The following MEGF10 variants were observed in gnomAD, a reference collection of about 807,000 sequenced individuals.
MEGF10 encodes multiple epidermal growth factor-like domains protein 10.
Under a neutral mutation model 147.5 loss-of-function variants are expected in MEGF10, and 86 were observed. The ratio of observed to expected loss-of-function variants is 0.58; its 90% CI spans 0.49 to 0.70. MEGF10 has a LOEUF of 0.70. Among genes scored for constraint, MEGF10 ranks in the 30% least tolerant of loss-of-function variants. The pLI is 0.00. For synonymous variants in MEGF10, 478 were observed against 525.5 expected, an observed-to-expected ratio of 0.91 and a Z score of 1.24; for missense variants, 1,329 against 1,487.3, an observed-to-expected ratio of 0.89 and a Z score of 1.75.
intron 5 of MEGF10, among the ~76,000 whole-genome samples, chr5:127,376,658 T>C (rs1763041475): frequency 6.6e-6 from 1 of 152,190 alleles, no homozygotes; most frequent in African/African-American, 2.4e-5. Context: ...ATGATCATGA[T>C]GATAGTAATA....
At chr5:127,407,041 T>G (rs1251132781) in intron 8 of MEGF10, among the ~76,000 whole-genome samples, 2 of 152,080 alleles carry the variant, frequency 1.3e-5, no homozygotes, top group Non-Finnish European at 2.9e-5. Flanking sequence ...CATAGTACCC[T>G]AAAGGTGAAG....
chr5:127,296,718 T>C (rs549570921), intron 1 of MEGF10, among the ~76,000 whole-genome samples: 23 of 152,264 alleles, frequency 1.5e-4, no homozygotes, highest in African/African-American at 5.1e-4. Context: ...TGATGGCAAA[T>C]TGAAAACTAA....
chr5:127,447,418 C>G (rs1765980439), intron 20 of MEGF10, 139 bp from the exon 21 acceptor site: 1 of 1,040,332 alleles, frequency 9.6e-7, no homozygotes, highest in Non-Finnish European at 1.4e-6. Flanking sequence ...ACCTCGTCAT[C>G]TGCCCGCCTT....
chr5:127,334,416 A>G (rs147747835), intron 2 of MEGF10, among the ~76,000 whole-genome samples: 1 of 152,152 alleles, frequency 6.6e-6, no homozygotes, highest in African/African-American at 2.4e-5. Flanking sequence ...ACAAGATCCC[A>G]GGGAGGTTTG....
upstream of MEGF10, among the ~76,000 whole-genome samples, chr5:127,289,205 T>C (rs1282142934): frequency 6.6e-6 from 1 of 152,048 alleles, no homozygotes; most frequent in Non-Finnish European, 1.5e-5. Flanking sequence ...TTAATATGAG[T>C]GTAATATATG....
chr5:127,365,377 A>G (rs139310755), intron 4 of MEGF10, among the ~76,000 whole-genome samples: 9 of 152,254 alleles, frequency 5.9e-5, no homozygotes, highest in African/African-American at 1.9e-4. Context: ...TGGCAGAAGA[A>G]AAACTATTGA....
intron 4 of MEGF10, among the ~76,000 whole-genome samples, chr5:127,348,741 A>G (rs1045409960): frequency 1.3e-5 from 2 of 152,218 alleles, no homozygotes. Context: ...AAACACATTA[A>G]GAAGCCTTTG....
Position 127,418,840 on chromosome 5 carries a change from G to GT in MEGF10, c.1306-278dup, listed in dbSNP as rs111958224. Among the ~76,000 whole-genome samples the GT allele has an allele frequency of 0.1, 15,771 of 152,116 alleles. 930 individuals are homozygous for GT. Among genetic ancestry groups the GT allele is most frequent in the Non-Finnish European group, 0.13 (9,148 of 67,966 alleles). Reference sequence around the variant, plus strand: ...TGAGCAATGAAAAAGGGTTTTTATTGTTGTTTTGTTTTAGTTCTGCTATGA... The same window carrying GT: ...TGAGCAATGAAAAAGGGTTTTTATTGTTTGTTTTGTTTTAGTTCTGCTATGA... On this transcript the variant is annotated intron_variant, in intron 10 of 24. Coordinates refer to ENST00000503335, the MANE Select transcript of MEGF10 (RefSeq NM_001256545.2).
chr5:127,311,072 C>T (rs1410349027), intron 1 of MEGF10, among the ~76,000 whole-genome samples: 1 of 152,162 alleles, frequency 6.6e-6, no homozygotes, highest in East Asian at 1.9e-4. Context: ...AATGTTCATT[C>T]CCTTTTAGAA....
intron 5 of MEGF10, among the ~76,000 whole-genome samples, chr5:127,386,026 C>G (rs1458590548): frequency 6.6e-6 from 1 of 152,168 alleles, no homozygotes; most frequent in African/African-American, 2.4e-5. Context: ...GAGGATCGAT[C>G]AAGCCCAGGA....
Position 127,455,740 on chromosome 5 carries a change from A to ATTTTATTTTAT in MEGF10, c.3232+134_3232+144dup, listed in dbSNP as rs927529303. 4 of 717,898 alleles carry ATTTTATTTTAT rather than the reference A, an allele frequency of 5.6e-6. No homozygotes were observed. The African/African-American group carries it at 7.6e-5, about 14-fold the overall frequency. 44.5% of individuals were successfully genotyped at this position (717,898 alleles called of 1,614,324 possible). A position where few individuals can be genotyped will look rare whatever the true frequency, so the allele number is the denominator to read the frequency against. On this transcript the variant is annotated intron_variant, in intron 24 of 24. Transcript: ENST00000503335. ...AATGGTCCGTATTTTATTTTATTTT[A>ATTTTATTTTAT]TTTTATTTTATGTATTTTTTGAGAT...
chr5:127,265,756 T>A, the MEGF10 span, among the ~76,000 whole-genome samples: 1 of 152,216 alleles, frequency 6.6e-6, no homozygotes, highest in Non-Finnish European at 1.5e-5. Context: ...TGCCCACTTG[T>A]TGATGGGGTT....
the MEGF10 span, among the ~76,000 whole-genome samples, chr5:127,284,819 T>C: frequency 2.0e-5 from 3 of 152,158 alleles, no homozygotes; most frequent in East Asian, 5.8e-4. Context: ...TTTTAAATCA[T>C]AGATTTAGAA....
At chr5:127,363,241 A>G (rs1762539978) in intron 4 of MEGF10, among the ~76,000 whole-genome samples, 1 of 152,212 alleles carries the variant, frequency 6.6e-6, no homozygotes, top group African/African-American at 2.4e-5. Context: ...CGTTCAAAAG[A>G]GCAGTGTATT....
Position 127,459,635 on chromosome 5 carries a change from TAAAAA to T in MEGF10, c.*2319_*2323del, listed in dbSNP as rs1005359703. ...TTGCTGTACAAAGGCAACAGCAACT[TAAAAA>T]AGAAAATCTGGACAATAGATGTGGA... On this transcript the variant is annotated 3_prime_UTR_variant, in exon 25 of 25. Coordinates refer to ENST00000503335, the MANE Select transcript of MEGF10 (RefSeq NM_001256545.2). 1 of 152,188 alleles carries T rather than the reference TAAAAA, an allele frequency of 6.6e-6. No individual in the cohort carries two copies. The highest frequency in any genetic ancestry group is 1.5e-5 in the Non-Finnish European group (1 of 68,032). The allele number at this position is 152,188 out of a possible 1,614,324, so 9.4% of individuals were successfully genotyped here.
At chr5:127,268,684 G>A in the MEGF10 span, among the ~76,000 whole-genome samples, 1 of 152,210 alleles carries the variant, frequency 6.6e-6, no homozygotes, top group Non-Finnish European at 1.5e-5. Flanking sequence ...CGAACAAAAG[G>A]CAGCAGAAAC....
chr5:127,386,463 C>A (rs1763439238), intron 5 of MEGF10, among the ~76,000 whole-genome samples: 1 of 152,064 alleles, frequency 6.6e-6, no homozygotes, highest in Non-Finnish European at 1.5e-5. Flanking sequence ...TATTTCCGGA[C>A]CCCATATACA....
In MEGF10 at chr5:127,340,762, C is replaced by T. The variant is rs372002060; in HGVS notation, c.319+132C>T. On this transcript the variant is annotated intron_variant, in intron 4 of 24. Coordinates refer to ENST00000503335, the MANE Select transcript of MEGF10 (RefSeq NM_001256545.2). Reference sequence around the variant, plus strand: ...ACATTCCTTTTCCCTCTGGTTGCTACTTTTCCTTGGCTTGTGTAATGAAGG... The same window carrying T: ...ACATTCCTTTTCCCTCTGGTTGCTATTTTTCCTTGGCTTGTGTAATGAAGG... 1.9e-5 allele frequency: 13 copies of T among 673,240 alleles called. No homozygotes were observed. The East Asian group carries it at 3.2e-4, about 16-fold the overall frequency. 41.7% of individuals were successfully genotyped at this position (673,240 alleles called of 1,614,324 possible).
At chr5:127,230,577 A>G in the MEGF10 span, among the ~76,000 whole-genome samples, 1 of 152,052 alleles carries the variant, frequency 6.6e-6, no homozygotes, top group African/African-American at 2.4e-5. Flanking sequence ...AAAATAAACA[A>G]TTGTTGGGTC....
Sources: allele counts gnomAD v4.1 joint callset (sites outside exome capture counted in the v4.1 genomes callset), GRCh38; gene constraint gnomAD v4.1.1; transcripts MANE v1.5; gene names NCBI Gene and HGNC (gene_info 2026-07-23, HGNC 2026-07-21).